CTNNA2: variants seen among roughly 807,000 people sequenced by gnomAD.
CTNNA2 encodes catenin alpha 2.
CTNNA2 carries 42 observed loss-of-function variants against 101.0 expected under a neutral mutation model. The ratio of observed to expected loss-of-function variants is 0.42; its 90% CI spans 0.32 to 0.54. The LOEUF is 0.54. Among genes scored for constraint, CTNNA2 ranks in the 20% least tolerant of loss-of-function variants. CTNNA2 has a pLI of 0.14. For missense variants in CTNNA2, 871 were observed against 1,223.1 expected (o/e 0.71, Z 4.29); for synonymous variants, 450 against 456.4 (o/e 0.99, Z 0.18).
intron 17 of CTNNA2, among the ~76,000 whole-genome samples, chr2:80,617,162 AT>A (rs1698920039): frequency 6.6e-6 from 1 of 151,782 alleles, no homozygotes; most frequent in Non-Finnish European, 1.5e-5. Context: ...TGAACTTTAA[AT>A]TTTTTATGAG....
At chr2:80,022,451 A>ATTT (rs1694631514) in intron 7 of CTNNA2, among the ~76,000 whole-genome samples, 1 of 152,162 alleles carries the variant, frequency 6.6e-6, no homozygotes, top group Non-Finnish European at 1.5e-5. Context: ...TTGATCTGAG[A>ATTT]GCTGAAGGGC....
At chr2:79,598,889 ATCTAGGCTTTC>A (rs1229089076) in intron 1 of CTNNA2, among the ~76,000 whole-genome samples, 1 of 152,266 alleles carries the variant, frequency 6.6e-6, no homozygotes, top group Non-Finnish European at 1.5e-5. Context: ...GCTCAAGGTC[ATCTAGGCTTTC>A]TCTTATGTTA....
chr2:79,937,405 C>T (rs1254795618), intron 7 of CTNNA2, among the ~76,000 whole-genome samples: 1 of 152,170 alleles, frequency 6.6e-6, no homozygotes, highest in Non-Finnish European at 1.5e-5. Context: ...GACAATCCAT[C>T]GTTTCACTTA....
intron 7 of CTNNA2, among the ~76,000 whole-genome samples, chr2:79,951,613 C>T (rs1004006225): frequency 2.0e-5 from 3 of 151,688 alleles, no homozygotes; most frequent in Non-Finnish European, 2.9e-5. Context: ...TGCAGTGAGC[C>T]GAGATTGTGC....
chr2:79,219,906 T>C (rs188675281), intron 2 of CTNNA2, among the ~76,000 whole-genome samples: 108 of 152,294 alleles, frequency 7.1e-4, no homozygotes, highest in African/African-American at 2.5e-3. Context: ...AAATTCATCC[T>C]TTCTTCCTTT....
intron 7 of CTNNA2, among the ~76,000 whole-genome samples, chr2:80,158,487 G>C (rs1704115348): frequency 1.3e-5 from 2 of 152,166 alleles, no homozygotes; most frequent in Non-Finnish European, 2.9e-5. Flanking sequence ...TACAGACTAT[G>C]TCTATCACTA....
chr2:80,201,610 C>T (rs930984701), intron 7 of CTNNA2, among the ~76,000 whole-genome samples: 5 of 151,874 alleles, frequency 3.3e-5, no homozygotes, highest in Non-Finnish European at 5.9e-5. Flanking sequence ...CTCCTGACCT[C>T]GTAATCCGCC....
intron 2 of CTNNA2, among the ~76,000 whole-genome samples, chr2:79,263,496 A>G (rs1674949622): frequency 1.3e-5 from 2 of 152,294 alleles, no homozygotes; most frequent in South Asian, 4.1e-4. Flanking sequence ...CACTTCCTGT[A>G]CAGCCTGCAG....
At chr2:80,150,655 A>G (rs1007893135) in intron 7 of CTNNA2, among the ~76,000 whole-genome samples, 1 of 152,138 alleles carries the variant, frequency 6.6e-6, no homozygotes, top group Non-Finnish European at 1.5e-5. Flanking sequence ...GGGGAGAAAA[A>G]CCACACAGTA....
chr2:79,526,525 C>A (rs2103904040), intron 1 of CTNNA2, among the ~76,000 whole-genome samples: 1 of 151,776 alleles, frequency 6.6e-6, no homozygotes, highest in Admixed American at 6.6e-5. Context: ...CTGAAACAAT[C>A]TTAAAAAAGG....
At chr2:80,276,949 T>C (rs753398934) in intron 7 of CTNNA2, among the ~76,000 whole-genome samples, 8 of 152,108 alleles carry the variant, frequency 5.3e-5, no homozygotes, top group Non-Finnish European at 1.2e-4. Flanking sequence ...TTTACAAGAC[T>C]ATTGCTACTT....
At chr2:79,877,194 A>G (rs1683091139) in intron 6 of CTNNA2, among the ~76,000 whole-genome samples, 1 of 152,088 alleles carries the variant, frequency 6.6e-6, no homozygotes, top group African/African-American at 2.4e-5. Flanking sequence ...AATGGTCAAC[A>G]TTTTACTTCT....
At chr2:79,874,466 A>G in intron 6 of CTNNA2, 124 bp downstream of exon 6, 1 of 1,176,624 alleles carries the variant, frequency 8.5e-7, no homozygotes, top group East Asian at 2.4e-5. Flanking sequence ...AGGTTTTAAT[A>G]GTAAGATAAA....
chr2:79,506,380 G>A (rs1297361511), intron 5 of CTNNA2, among the ~76,000 whole-genome samples: 1 of 152,014 alleles, frequency 6.6e-6, no homozygotes, highest in Non-Finnish European at 1.5e-5. Flanking sequence ...TTATACAAAG[G>A]AATTGTTTCT....
intron 8 of CTNNA2, among the ~76,000 whole-genome samples, chr2:80,414,681 T>C (rs1679881926): frequency 6.6e-6 from 1 of 152,202 alleles, no homozygotes; most frequent in African/African-American, 2.4e-5. Context: ...CTGCCTAACA[T>C]TTTGAATCAA....
chr2:80,035,781 C>T (rs970971164), intron 7 of CTNNA2, among the ~76,000 whole-genome samples: 6 of 152,168 alleles, frequency 3.9e-5, no homozygotes, highest in South Asian at 2.1e-4. Context: ...TCACCTGTAT[C>T]GAATCATCAG....
chr2:80,526,943 T>G (rs1285690687), intron 9 of CTNNA2, among the ~76,000 whole-genome samples: 1 of 152,168 alleles, frequency 6.6e-6, no homozygotes, highest in African/African-American at 2.4e-5. Context: ...CTTCTAACAT[T>G]TTTTGAAATT....
chr2:79,192,770 T>C (rs1572971879), intron 1 of CTNNA2, among the ~76,000 whole-genome samples: 2 of 152,170 alleles, frequency 1.3e-5, no homozygotes, highest in Admixed American at 1.3e-4. Flanking sequence ...TCCTCGCCCC[T>C]TGAATAAAGT....
chr2:80,086,267 G>A (rs1051632953), intron 7 of CTNNA2, among the ~76,000 whole-genome samples: 3 of 152,050 alleles, frequency 2.0e-5, no homozygotes, highest in Non-Finnish European at 1.5e-5. Context: ...ACACACTCAT[G>A]TTTAAGGGCA....
Sources: gnomAD v4.1 joint callset for allele counts (sites outside exome capture counted in the v4.1 genomes callset) on GRCh38, gnomAD v4.1.1 for gene constraint, MANE v1.5 for transcripts, NCBI Gene and HGNC (gene_info 2026-07-23, HGNC 2026-07-21) for gene names.